The following UGT2B7 variants were observed in gnomAD, a reference collection of about 807,000 sequenced individuals.
UGT2B7 encodes UDP glucuronosyltransferase family 2 member B7.
Under a neutral mutation model 51.9 loss-of-function variants are expected in UGT2B7, and 51 were observed. The observed-to-expected ratio is 0.98, with a 90% CI of 0.78 to 1.24. The LOEUF (loss-of-function observed/expected upper bound fraction) is 1.24. Ranked by LOEUF, UGT2B7 falls within the 50% of genes most tolerant of loss-of-function variation. UGT2B7 has a pLI of 0.00. For synonymous variants in UGT2B7, 225 were observed against 211.6 expected (o/e 1.06, Z -0.55); for missense variants, 727 against 628.4 (o/e 1.16, Z -1.68).
At chr4:69,088,506 C>T (rs1719010658) in intron 1 of UGT2B7, among the ~76,000 whole-genome samples, 1 of 152,094 alleles carries the variant, frequency 6.6e-6, no homozygotes, top group South Asian at 2.1e-4. Flanking sequence ...CTGTGAGATA[C>T]TTAAGCAATA....
At chr4:69,065,990 A>G (rs10030066) in intron 1 of UGT2B7, among the ~76,000 whole-genome samples, 26,157 of 152,110 alleles carry the variant, frequency 0.17, 2,429 homozygotes, top group East Asian at 0.23. Context: ...CAATATAAAA[A>G]TTAGTCAAGA....
intron 1 of UGT2B7, among the ~76,000 whole-genome samples, chr4:69,070,294 T>C (rs1157494303): frequency 3.4e-5 from 5 of 147,862 alleles, no homozygotes; most frequent in Admixed American, 1.4e-4. Flanking sequence ...AATATACTTA[T>C]ATATTGTATT....
chr4:69,074,304 G>A (rs1718657326), intron 1 of UGT2B7, among the ~76,000 whole-genome samples: 1 of 151,958 alleles, frequency 6.6e-6, no homozygotes, highest in Non-Finnish European at 1.5e-5. Flanking sequence ...TCATACCACT[G>A]CACTCCAGCC....
chr4:69,087,354 G>C (rs186076285), intron 1 of UGT2B7, among the ~76,000 whole-genome samples: 348 of 151,914 alleles, frequency 2.3e-3, no homozygotes, highest in Admixed American at 4.4e-3. Context: ...TCCACATATT[G>C]ACTTTTTCAT....
intron 5 of UGT2B7, among the ~76,000 whole-genome samples, chr4:69,108,758 T>C (rs1295628881): frequency 6.6e-6 from 1 of 152,078 alleles, no homozygotes; most frequent in African/African-American, 2.4e-5. Flanking sequence ...TGAGATTTAA[T>C]TTTGATAGCA....
Position 69,107,218 on chromosome 4 carries a change from T to A in UGT2B7, c.1046T>A (p.Leu349His). The change falls in exon 4 of 6, where the codon CTC becomes CAC. Residue 349 changes from leucine (L) to histidine (H), a missense_variant. Leu to His is a moderately conservative substitution (Grantham distance 99). Transcript: ENST00000305231. Reference sequence around the variant, plus strand: ...GGGAATAAACCAGATACCTTAGGTCTCAATACTCGGCTCTACAAGTGGATA... The same window carrying A: ...GGGAATAAACCAGATACCTTAGGTCACAATACTCGGCTCTACAAGTGGATA... Reference protein sequence around the residue: ...FDGNKPDTLGLNTRLYKWIPQ... With the variant: ...FDGNKPDTLGHNTRLYKWIPQ... 1 of 1,609,890 alleles carries A rather than the reference T, an allele frequency of 6.2e-7. No individual in the cohort carries two copies. The highest frequency in any genetic ancestry group is 2.2e-5 in the East Asian group (1 of 44,728).
intron 5 of UGT2B7, among the ~76,000 whole-genome samples, chr4:69,111,357 T>C (rs1367700541): frequency 6.6e-6 from 1 of 152,162 alleles, no homozygotes; most frequent in Non-Finnish European, 1.5e-5. Context: ...AAAATCATTC[T>C]GGCTACAGGG....
intron 5 of UGT2B7, among the ~76,000 whole-genome samples, chr4:69,111,041 G>A (rs1305610291): frequency 1.3e-5 from 2 of 152,084 alleles, no homozygotes; most frequent in Admixed American, 6.5e-5. Context: ...ACATTAGAAG[G>A]AAGCCACAAG....
At position 69,108,277 on chromosome 4, in the gene UGT2B7, G is replaced by C. The variant is rs769107320; in HGVS notation, c.1265G>C (p.Ser422Thr). The part of the protein sequence containing the change: ...AVRVDFNTMS[S>T]TDLLNALKRV... ...AGAGTGGACTTCAACACAATGTCGAGTACAGACTTGCTGAATGCATTGAAG... is the reference window on the plus strand; with the variant it reads ...AGAGTGGACTTCAACACAATGTCGACTACAGACTTGCTGAATGCATTGAAG... Residue 422 changes from serine to threonine, a missense_variant, in exon 5 of 6, where the codon AGT becomes ACT. Ser to Thr is a moderately conservative substitution (Grantham distance 58). Coordinates refer to ENST00000305231, the MANE Select transcript of UGT2B7 (RefSeq NM_001074.4). 1.2e-6 allele frequency: 2 copies of C among 1,613,424 alleles called. No individual in the cohort carries two copies. The highest frequency in any genetic ancestry group is 2.7e-5 in the African/African-American group (2 of 74,848).
chr4:69,062,035 C>T (rs762379027), intron 1 of UGT2B7, among the ~76,000 whole-genome samples: 4 of 152,112 alleles, frequency 2.6e-5, no homozygotes, highest in Non-Finnish European at 5.9e-5. Flanking sequence ...GCATTTGTGG[C>T]TGAAATCGTT....
chr4:69,098,117 A>G (rs1560509030), intron 1 of UGT2B7, among the ~76,000 whole-genome samples: 1 of 152,030 alleles, frequency 6.6e-6, no homozygotes, highest in Non-Finnish European at 1.5e-5. Context: ...TGAGTTGTGT[A>G]AACTAGACTA....
rs150689690 is a variant in UGT2B7 at position 69,104,828 on chromosome 4, T to C, written c.1002+1890T>C. ...GGTAACTTCACTACCACAATAACAA[T>C]AGCAGGTATTTCAAAAAGTCTGACA... On this transcript the variant is annotated intron_variant, in intron 3 of 5. Coordinates refer to ENST00000305231, the MANE Select transcript of UGT2B7 (RefSeq NM_001074.4). Among the ~76,000 whole-genome samples, 39 of 152,306 alleles carry C rather than the reference T, an allele frequency of 2.6e-4. No homozygotes were observed. In the East Asian group the frequency reaches 7.1e-3, roughly 28 times the overall value.
chr4:69,055,148 T>C (rs1210444111), intron 1 of UGT2B7, among the ~76,000 whole-genome samples: 1 of 87,354 alleles, frequency 1.1e-5, no homozygotes, highest in African/African-American at 4.6e-5. Flanking sequence ...AAAAACGTAA[T>C]CTTAAAATTT....
At chr4:69,063,770 G>T (rs60814050) in intron 1 of UGT2B7, among the ~76,000 whole-genome samples, 65,447 of 151,718 alleles carry the variant, frequency 0.43, 15,621 homozygotes, top group African/African-American at 0.64. Flanking sequence ...TTTTAAAACA[G>T]TAGGGGTAGT....
chr4:69,061,358 A>G (rs922794773), intron 1 of UGT2B7, among the ~76,000 whole-genome samples: 1 of 152,322 alleles, frequency 6.6e-6, no homozygotes, highest in Admixed American at 6.5e-5. Context: ...GCAGTAATGC[A>G]CTGTAGGCAA....
At chr4:69,101,355 TC>T (rs1719413126) in intron 2 of UGT2B7, among the ~76,000 whole-genome samples, 1 of 152,080 alleles carries the variant, frequency 6.6e-6, no homozygotes, top group South Asian at 2.1e-4. Flanking sequence ...AAAATTTTTT[TC>T]ATGCTTTTAT....
rs190454395 is a variant in UGT2B7, at chr4:69,086,590, T to A, written c.-158-2882T>A. 1.1e-4 allele frequency among the ~76,000 whole-genome samples: 17 copies of A among 152,046 alleles called. 1 individual carries two copies. The highest frequency in any genetic ancestry group is 1.1e-3 in the Admixed American group (17 of 15,240). ...TAAGTAAAGTGCTGCACTCTTCTAC[T>A]ATTATCATATCACAGTCAATCTCTC... On this transcript the variant is annotated intron_variant, in intron 1 of 5. Coordinates refer to the UGT2B7 transcript ENST00000502942.
intron 1 of UGT2B7, among the ~76,000 whole-genome samples, chr4:69,064,632 A>G (rs972111822): frequency 6.6e-6 from 1 of 152,164 alleles, no homozygotes; most frequent in Non-Finnish European, 1.5e-5. Flanking sequence ...CTGTAAGCCT[A>G]CATCAAGTTA....
rs557930184 is a variant in UGT2B7, at chr4:69,055,988, C to A, written c.-159+4386C>A. Among the ~76,000 whole-genome samples the A allele has an allele frequency of 1.2e-3, 179 of 152,256 alleles. 1 individual carries two copies. The highest frequency in any genetic ancestry group is 2.1e-3 in the Non-Finnish European group (142 of 68,010). ...ATACTGTTTAGGCCCACCCAGAATT[C>A]TACCAGGACTGGATGGTCCCCACCA... is the stretch of plus-strand genomic sequence containing the variant. On this transcript the variant is annotated intron_variant, in intron 1 of 5. Transcript: ENST00000502942.
Sources: gnomAD v4.1 joint callset for allele counts (sites outside exome capture counted in the v4.1 genomes callset) on GRCh38, gnomAD v4.1.1 for gene constraint, MANE v1.5 for transcripts, NCBI Gene and HGNC (gene_info 2026-07-23, HGNC 2026-07-21) for gene names.